DCLK1: variants seen among roughly 807,000 people sequenced by gnomAD.
DCLK1 encodes serine/threonine-protein kinase DCLK1.
A neutral mutation model predicts 86.2 loss-of-function variants in DCLK1; 16 were observed. That is an observed-to-expected ratio of 0.19 (90% CI 0.13 to 0.28). The LOEUF (loss-of-function observed/expected upper bound fraction) is 0.28. Among genes scored for constraint, DCLK1 ranks in the 10% least tolerant of loss-of-function variants. DCLK1 has a pLI of 1.00. For synonymous variants in DCLK1, 369 were observed against 370.5 expected (o/e 1.00, Z 0.05); for missense variants, 590 against 940.2 (o/e 0.63, Z 4.87).
intron 3 of DCLK1, among the ~76,000 whole-genome samples, chr13:35,971,353 C>T (rs1264762057): frequency 6.6e-6 from 1 of 152,180 alleles, no homozygotes; most frequent in Non-Finnish European, 1.5e-5. Context: ...CACATGCATG[C>T]TAGTTCCCAT....
chr13:35,833,417 C>T (rs773801379), intron 8 of DCLK1, among the ~76,000 whole-genome samples: 2 of 152,124 alleles, frequency 1.3e-5, no homozygotes, highest in African/African-American at 4.8e-5. Flanking sequence ...CCTCAAAATG[C>T]TCCACGAAAC....
At chr13:35,911,294 A>G (rs970031112) in intron 4 of DCLK1, among the ~76,000 whole-genome samples, 5 of 149,182 alleles carry the variant, frequency 3.4e-5, no homozygotes, top group Non-Finnish European at 6.0e-5. Flanking sequence ...ATTCCGTCAA[A>G]AAAAAAAAAA....
intron 16 of DCLK1, among the ~76,000 whole-genome samples, chr13:35,781,052 A>C (rs1402649005): frequency 6.6e-6 from 1 of 152,232 alleles, no homozygotes; most frequent in East Asian, 1.9e-4. Flanking sequence ...AATTGGGAAA[A>C]TCAGTATAAA....
intron 6 of DCLK1, among the ~76,000 whole-genome samples, chr13:35,845,657 C>T (rs780883494): frequency 7.9e-5 from 12 of 152,172 alleles, no homozygotes; most frequent in Non-Finnish European, 1.3e-4. Context: ...CTGATTTTAA[C>T]GCAACTACCT....
intron 4 of DCLK1, among the ~76,000 whole-genome samples, chr13:35,922,416 GC>G (rs1875855201): frequency 6.6e-6 from 1 of 152,152 alleles, no homozygotes; most frequent in Non-Finnish European, 1.5e-5. Flanking sequence ...TACGCATGCA[GC>G]AGATGATCAA....
At chr13:36,115,151 G>A (rs1290446172) in intron 2 of DCLK1, among the ~76,000 whole-genome samples, 1 of 152,038 alleles carries the variant, frequency 6.6e-6, no homozygotes, top group Non-Finnish European at 1.5e-5. Flanking sequence ...GGGCAACAAA[G>A]CGAGATCCCA....
chr13:35,958,453 A>C (rs1270328881), intron 3 of DCLK1, among the ~76,000 whole-genome samples: 2 of 148,342 alleles, frequency 1.3e-5, no homozygotes, highest in Non-Finnish European at 3.0e-5. Flanking sequence ...TCACCACTAT[A>C]ACCACTATCA....
chr13:35,882,199 C>T (rs556030006), intron 4 of DCLK1, among the ~76,000 whole-genome samples: 48 of 152,222 alleles, frequency 3.2e-4, no homozygotes, highest in African/African-American at 1.1e-3. Flanking sequence ...TAGCTTGTGG[C>T]CACATTACTC....
At chr13:36,094,884 A>G (rs1014010793) in intron 3 of DCLK1, among the ~76,000 whole-genome samples, 1 of 152,216 alleles carries the variant, frequency 6.6e-6, no homozygotes, top group Admixed American at 6.5e-5. Context: ...GGGAAAAGTT[A>G]AGATGGAAAA....
At chr13:36,066,307 G>A (rs557789581) in intron 3 of DCLK1, among the ~76,000 whole-genome samples, 4 of 152,216 alleles carry the variant, frequency 2.6e-5, no homozygotes, top group African/African-American at 9.6e-5. Context: ...GGAACAGAAC[G>A]GCCCTGGAAT....
intron 3 of DCLK1, among the ~76,000 whole-genome samples, chr13:36,036,928 C>T (rs1369986749): frequency 6.6e-6 from 1 of 152,132 alleles, no homozygotes; most frequent in East Asian, 1.9e-4. Context: ...AATGTCTGCA[C>T]TCCCATGTCT....
chr13:35,905,171 G>A (rs1269427263), intron 4 of DCLK1, among the ~76,000 whole-genome samples: 1 of 152,084 alleles, frequency 6.6e-6, no homozygotes. Flanking sequence ...TGTTACTGTG[G>A]CCTTATGTTG....
rs367796449 is a variant in DCLK1 at position 35,769,764 on chromosome 13, T to A, written c.*4771A>T. 3 of 152,336 alleles carry A rather than the reference T, an allele frequency of 2.0e-5. No individual in the cohort carries two copies. Among genetic ancestry groups the A allele is most frequent in the South Asian group, 4.1e-4 (2 of 4,828 alleles). The allele number at this position is 152,336 out of a possible 1,614,324, so 9.4% of individuals were successfully genotyped here. On this transcript the variant is annotated 3_prime_UTR_variant, in exon 17 of 17. Transcript: ENST00000360631. Reference sequence around the variant, plus strand: ...ACAGACAAAATATTCAATTTTACATTAAAGCAACATTAAGGGTCTCAATTT... The same window carrying A: ...ACAGACAAAATATTCAATTTTACATAAAAGCAACATTAAGGGTCTCAATTT...
In DCLK1 at chr13:35,850,446, TCATCTA is replaced by T; in HGVS notation, c.1035+4047_1035+4052del. ...TCAATATTGGGTCCGTGTATGAAATTCATCTAGAGCCAGGCCCTGTACAAAAATCTC... is the reference window on the plus strand; with the variant it reads ...TCAATATTGGGTCCGTGTATGAAATTGAGCCAGGCCCTGTACAAAAATCTC... On this transcript the variant is annotated intron_variant, in intron 6 of 16. Transcript: ENST00000360631. 4.5e-6 allele frequency: 5 copies of T among 1,106,938 alleles called. No individual in the cohort carries two copies. In the African/African-American group the frequency reaches 8.1e-5, roughly 18 times the overall value. The allele number at this position is 1,106,938 out of a possible 1,614,324, so 68.6% of individuals were successfully genotyped here.
intron 4 of DCLK1, among the ~76,000 whole-genome samples, chr13:35,899,352 T>C (rs1451233590): frequency 1.1e-5 from 1 of 90,930 alleles, no homozygotes; most frequent in Non-Finnish European, 2.4e-5. Flanking sequence ...TGTGTGTGTG[T>C]GTGTGTGTGT....
intron 14 of DCLK1, among the ~76,000 whole-genome samples, chr13:35,807,530 G>A (rs947497314): frequency 3.3e-5 from 5 of 152,108 alleles, no homozygotes; most frequent in African/African-American, 1.2e-4. Flanking sequence ...TCATATACTT[G>A]TTCATTTATT....
intron 4 of DCLK1, among the ~76,000 whole-genome samples, chr13:35,910,305 A>G (rs1357059842): frequency 6.6e-6 from 1 of 152,204 alleles, no homozygotes; most frequent in Non-Finnish European, 1.5e-5. Context: ...TTTAAAATCA[A>G]TCTGTGATCT....
At chr13:35,821,228 G>A (rs1197725921) in intron 11 of DCLK1, among the ~76,000 whole-genome samples, 1 of 152,186 alleles carries the variant, frequency 6.6e-6, no homozygotes, top group African/African-American at 2.4e-5. Context: ...AGGATGAAAC[G>A]AGATAATGAC....
chr13:36,118,085 C>CA (rs36075533), intron 2 of DCLK1, among the ~76,000 whole-genome samples: 61,538 of 151,230 alleles, frequency 0.41, 14,334 homozygotes, highest in East Asian at 0.77. Context: ...AACATTTTCT[C>CA]AAAAAAAAAT....
Sources: allele counts gnomAD v4.1 joint callset (sites outside exome capture counted in the v4.1 genomes callset), GRCh38; gene constraint gnomAD v4.1.1; transcripts MANE v1.5; gene names NCBI Gene and HGNC (gene_info 2026-07-23, HGNC 2026-07-21).